Variants in SEL1L3 observed in about 807,000 individuals in gnomAD.
The protein encoded by SEL1L3 is protein sel-1 homolog 3.
Under a neutral mutation model 142.8 loss-of-function variants are expected in SEL1L3, and 76 were observed. The ratio of observed to expected loss-of-function variants is 0.53; its 90% CI spans 0.44 to 0.64. The LOEUF is 0.64. Among genes scored for constraint, SEL1L3 ranks in the 30% least tolerant of loss-of-function variants. The pLI is 0.00. For synonymous variants in SEL1L3, 504 were observed against 519.6 expected (o/e 0.97, Z 0.41); for missense variants, 1,262 against 1,381.7 (o/e 0.91, Z 1.37).
chr4:25,732,063 G>A, the SEL1L3 span, among the ~76,000 whole-genome samples: 2 of 152,192 alleles, frequency 1.3e-5, no homozygotes, highest in African/African-American at 4.8e-5. Flanking sequence ...AACAGAGTGG[G>A]AGTCTGTGAA....
rs770262715 is a variant in SEL1L3, at chr4:25,818,239, T to C, written c.1463A>G (p.Tyr488Cys). 8 of 1,602,600 alleles carry C rather than the reference T, an allele frequency of 5.0e-6. No individual in the cohort carries two copies. The highest frequency in any genetic ancestry group is 1.3e-5 in the African/African-American group (1 of 74,732). The change falls in exon 9 of 24, where the codon TAT becomes TGT. Residue 488 changes from tyrosine (Y) to cysteine (C), a missense_variant. Around this residue, in one of 3 missense-constraint regions of SEL1L3, gnomAD observed 689 missense variants for 692.8 expected, o/e 0.99. Transcript: ENST00000399878. The stretch of plus-strand genomic sequence containing the variant: ...GGCTCTGCACATCGAGGGTCTCCCA[T>C]ACCTGCGCTGGAGGTCCAGGTAGGA... Reference protein sequence around the residue: ...HNSYLDLQRRYGRPSMCRAFP... With the variant: ...HNSYLDLQRRCGRPSMCRAFP...
Position 25,777,930 on chromosome 4 carries a change from G to A in SEL1L3, c.2585+1146C>T, listed in dbSNP as rs983951115. The A allele has an allele frequency of 1.3e-5, 6 of 451,794 alleles. No individual in the cohort carries two copies. In the Admixed American group the frequency reaches 1.4e-4, roughly 11 times the overall value. 28.0% of individuals were successfully genotyped at this position (451,794 alleles called of 1,614,324 possible). A position where few individuals can be genotyped will look rare whatever the true frequency, so the allele number is the denominator to read the frequency against. ...GATAGTAAATATCTTAAGCTTTGTG[G>A]GCCACATATAGTCTCTGTTGCATAT... is the stretch of plus-strand genomic sequence containing the variant. On this transcript the variant is annotated intron_variant, in intron 16 of 23. Coordinates refer to ENST00000399878, the MANE Select transcript of SEL1L3 (RefSeq NM_015187.5).
At chr4:25,766,796 C>T (rs1718776611) in intron 19 of SEL1L3, among the ~76,000 whole-genome samples, 1 of 152,144 alleles carries the variant, frequency 6.6e-6, no homozygotes, top group Non-Finnish European at 1.5e-5. Context: ...ACTTGGACTT[C>T]TTCTCCCATC....
At chr4:25,790,411 A>C (rs1386618216) in intron 12 of SEL1L3, 44 bp downstream of exon 12, 4 of 1,600,252 alleles carry the variant, frequency 2.5e-6, no homozygotes, top group Non-Finnish European at 3.4e-6. Flanking sequence ...AACCCAGTCT[A>C]TCATGGCTGA....
At chr4:25,741,703 A>T in the SEL1L3 span, among the ~76,000 whole-genome samples, 1 of 152,154 alleles carries the variant, frequency 6.6e-6, no homozygotes, top group Non-Finnish European at 1.5e-5. Context: ...CTTGAACAGA[A>T]ATCCTTTATT....
Position 25,757,752 on chromosome 4 carries a change from C to G in SEL1L3, c.3122G>C (p.Cys1041Ser). Reference protein sequence around the residue: ...SHSNEESFSPCSLAWLYLHLR... With the variant: ...SHSNEESFSPSSLAWLYLHLR... Reference sequence around the variant, plus strand: ...GTGCAGGTAAAGCCAGGCCAAGGAGCAGGGGCTGAAGGACTCCTCGTTACT... The same window carrying G: ...GTGCAGGTAAAGCCAGGCCAAGGAGGAGGGGCTGAAGGACTCCTCGTTACT... Residue 1041 changes from cysteine to serine, a missense_variant, in exon 22 of 24, where the codon TGC (cysteine) becomes TCC (serine). Physicochemically the swap from Cys to Ser is moderately radical, Grantham distance 112 (BLOSUM62 -1). Transcript: ENST00000399878. 1.3e-6 allele frequency: 2 copies of G among 1,595,590 alleles called. No individual in the cohort carries two copies. Among genetic ancestry groups the G allele is most frequent in the Non-Finnish European group, 1.7e-6 (2 of 1,171,416 alleles).
chr4:25,781,498 C>G (rs1439145678), intron 15 of SEL1L3, among the ~76,000 whole-genome samples: 1 of 152,040 alleles, frequency 6.6e-6, no homozygotes, highest in Non-Finnish European at 1.5e-5. Flanking sequence ...ATTAACCAGG[C>G]GTGGTGGTGC....
In SEL1L3 at chr4:25,818,177, T is replaced by C. The variant is rs1553873956; in HGVS notation, c.1525A>G (p.Ser509Gly). Residue 509 changes from serine (S) to glycine (G), a missense_variant, in exon 9 of 24, where the codon AGC (serine) becomes GGC (glycine). This residue lies in a region of SEL1L3 where 689 missense variants were observed against 692.8 expected (regional missense o/e 0.99). Coordinates refer to ENST00000399878, the MANE Select transcript of SEL1L3 (RefSeq NM_015187.5). ...ATCTCCAGCAATGCCTGGAACAAGCTGGGGTGTTTGTCTTTCAGCTCCTTC... is the reference window on the plus strand; with the variant it reads ...ATCTCCAGCAATGCCTGGAACAAGCCGGGGTGTTTGTCTTTCAGCTCCTTC... ...WEKELKDKHP[S>G]LFQALLEMDL... 1 of 1,610,752 alleles carries C rather than the reference T, an allele frequency of 6.2e-7. No individual in the cohort carries two copies. The highest frequency in any genetic ancestry group is 8.5e-7 in the Non-Finnish European group (1 of 1,178,492).
In SEL1L3 at chr4:25,757,675, A is replaced by T; in HGVS notation, c.3186+13T>A. 1 of 1,577,804 alleles carries T rather than the reference A, an allele frequency of 6.3e-7. No individual in the cohort carries two copies. The highest frequency in any genetic ancestry group is 8.6e-7 in the Non-Finnish European group (1 of 1,161,892). ...GGGCCACAAGGGTGGGGCCGGTGGG[A>T]CATGAAACCTACCAGGGCTGAGTGC... is the stretch of plus-strand genomic sequence containing the variant. On this transcript the variant is annotated intron_variant, in intron 22 of 23. Coordinates refer to ENST00000399878, the MANE Select transcript of SEL1L3 (RefSeq NM_015187.5).
At chr4:25,771,682 A>G (rs947208614) in intron 17 of SEL1L3, among the ~76,000 whole-genome samples, 1 of 152,180 alleles carries the variant, frequency 6.6e-6, no homozygotes, top group Non-Finnish European at 1.5e-5. Flanking sequence ...CAAGCCCACT[A>G]TAATCTGGCT....
rs1719831024 is a variant in SEL1L3 at position 25,779,121 on chromosome 4, G to A, written c.2540C>T (p.Thr847Ile). The change falls in exon 16 of 24, where the codon ACA (threonine) becomes ATA (isoleucine). Residue 847 changes from threonine (T) to isoleucine (I), a missense_variant. By Grantham distance (89) the Thr-to-Ile change is moderately conservative. Around this residue, in one of 3 missense-constraint regions of SEL1L3, gnomAD observed 435 missense variants for 559.2 expected, o/e 0.78. Transcript: ENST00000399878. ...GTLWCSLYYI[T>I]GNLETFPRDP... ...TCTAGGGAATGTCTCCAGGTTGCCTGTGATATAGTAGAGAGAACACCACAA... is the reference window on the plus strand; with the variant it reads ...TCTAGGGAATGTCTCCAGGTTGCCTATGATATAGTAGAGAGAACACCACAA... 6.2e-7 allele frequency: 1 copy of A among 1,613,532 alleles called. No individual in the cohort carries two copies. Among genetic ancestry groups the A allele is most frequent in the Admixed American group, 1.7e-5 (1 of 59,992 alleles).
intron 8 of SEL1L3, among the ~76,000 whole-genome samples, chr4:25,819,016 G>C (rs1185292204): frequency 6.6e-6 from 1 of 152,188 alleles, no homozygotes; most frequent in Non-Finnish European, 1.5e-5. Flanking sequence ...GAGACATATG[G>C]GCAGGACTGA....
Position 25,862,796 on chromosome 4 carries a change from T to TGCTGCC in SEL1L3, c.35_40dup (p.Arg12_Gln13dup). The TGCTGCC allele has an allele frequency of 8.5e-7, 1 of 1,177,066 alleles. No homozygotes were observed. Among genetic ancestry groups the TGCTGCC allele is most frequent in the Middle Eastern group, 3.4e-4 (1 of 2,916 alleles). The allele number at this position is 1,177,066 out of a possible 1,614,324, so 72.9% of individuals were successfully genotyped here. ...CGCGAGCGGCGGGGGTTGCTGCTGC[T>TGCTGCC]GCTGCCGCGGCCACCCGAGCCCCGC... On this transcript the variant is annotated inframe_insertion, in exon 1 of 24. Transcript: ENST00000399878.
intron 9 of SEL1L3, among the ~76,000 whole-genome samples, chr4:25,815,851 TG>T (rs1196842465): frequency 7.0e-6 from 1 of 143,796 alleles, no homozygotes; most frequent in Admixed American, 7.5e-5. Context: ...GAAATATTTT[TG>T]GAGAGGAGGG....
chr4:25,729,964 C>G, the SEL1L3 span, among the ~76,000 whole-genome samples: 1 of 151,258 alleles, frequency 6.6e-6, no homozygotes, highest in Non-Finnish European at 1.5e-5. Context: ...CCTTCTTCTT[C>G]TTTTTTTTGA....
intron 12 of SEL1L3, among the ~76,000 whole-genome samples, chr4:25,789,948 A>G (rs1712178723): frequency 6.6e-6 from 1 of 152,210 alleles, no homozygotes; most frequent in Admixed American, 6.5e-5. Flanking sequence ...TTTTGGTCCA[A>G]CAAGCCATAA....
At chr4:25,838,260 CA>C (rs1715958767) in intron 2 of SEL1L3, among the ~76,000 whole-genome samples, 1 of 152,142 alleles carries the variant, frequency 6.6e-6, no homozygotes, top group African/African-American at 2.4e-5. Flanking sequence ...GTTAAACAAA[CA>C]AACAAACAAA....
At chr4:25,806,771 G>C (rs1241024682) in intron 9 of SEL1L3, among the ~76,000 whole-genome samples, 2 of 151,814 alleles carry the variant, frequency 1.3e-5, no homozygotes, top group African/African-American at 4.8e-5. Flanking sequence ...AGGAGGTGCT[G>C]AAAACATTCA....
At chr4:25,744,348 C>CTTTTTTTTTTTTTTTTTTTTTT (rs35155388), downstream of SEL1L3, among the ~76,000 whole-genome samples, 1 of 101,426 alleles carries the variant, frequency 9.9e-6, no homozygotes, top group Non-Finnish European at 1.9e-5. Context: ...ATGTGTGAGT[C>CTTTTTTTTTTTTTTTTTTTTTT]TTTTTTTTTT....
Sources: allele counts gnomAD v4.1 joint callset (sites outside exome capture counted in the v4.1 genomes callset), GRCh38; gene constraint gnomAD v4.1.1; regional missense constraint gnomAD v4.1.1; transcripts MANE v1.5; gene names NCBI Gene and HGNC (gene_info 2026-07-23, HGNC 2026-07-21).